SYNPR: variants seen among roughly 807,000 people sequenced by gnomAD.
SYNPR encodes synaptoporin.
SYNPR carries 23 observed loss-of-function variants against 32.9 expected under a neutral mutation model. The observed-to-expected ratio is 0.70, with a 90% CI of 0.50 to 0.99. The LOEUF (loss-of-function observed/expected upper bound fraction) is 0.99. Ranked by LOEUF, SYNPR falls within the 50% of genes least tolerant of loss-of-function variation. SYNPR has a pLI of 0.00. For missense variants in SYNPR, 318 were observed against 349.3 expected, an observed-to-expected ratio of 0.91 and a Z score of 0.71; for synonymous variants, 146 against 135.9, an observed-to-expected ratio of 1.07 and a Z score of -0.52.
rs570384448 is a variant in SYNPR, at chr3:63,616,076, C to T, written c.*595C>T. ...GTTTATGAAAATTTTCTGGTTTGCACCATGAATTTGTCAAATGGATATTTA... is the reference window on the plus strand; with the variant it reads ...GTTTATGAAAATTTTCTGGTTTGCATCATGAATTTGTCAAATGGATATTTA... On this transcript the variant is annotated 3_prime_UTR_variant, in exon 6 of 6. Transcript: ENST00000478300. 6.6e-6 allele frequency: 1 copy of T among 152,250 alleles called. No individual in the cohort carries two copies. The highest frequency in any genetic ancestry group is 1.9e-4 in the East Asian group (1 of 5,188). 9.4% of individuals were successfully genotyped at this position (152,250 alleles called of 1,614,324 possible).
intron 2 of SYNPR, among the ~76,000 whole-genome samples, chr3:63,326,705 G>A (rs1280547245): frequency 6.6e-6 from 1 of 152,052 alleles, no homozygotes; most frequent in Non-Finnish European, 1.5e-5. Context: ...TTATTTATCA[G>A]TTTCTCTCTC....
chr3:63,408,220 GGAAGGAAGGAAA>G (rs1364285509), intron 2 of SYNPR, among the ~76,000 whole-genome samples: 3 of 68,682 alleles, frequency 4.4e-5, no homozygotes, highest in African/African-American at 2.1e-4. Context: ...AAGGAAGGAA[GGAAGGAAGGAAA>G]GAAAGAAAGA....
At chr3:63,554,607 T>C (rs1702562980) in intron 3 of SYNPR, among the ~76,000 whole-genome samples, 1 of 152,214 alleles carries the variant, frequency 6.6e-6, no homozygotes, top group Non-Finnish European at 1.5e-5. Context: ...TTTTGGTTGC[T>C]CTAGCCTTGT....
chr3:63,328,505 C>G lies in SYNPR; in HGVS notation c.84+49763C>G, dbSNP rs935249537. Among the ~76,000 whole-genome samples the G allele has an allele frequency of 2.0e-5, 3 of 152,188 alleles. No individual in the cohort carries two copies. The East Asian group carries it at 5.8e-4, about 29-fold the overall frequency. Reference sequence around the variant, plus strand: ...CCCAGTTCCCCTAACATGCCTGTCTCCCTGGCTTTGACTCACAATCATGTG... The same window carrying G: ...CCCAGTTCCCCTAACATGCCTGTCTGCCTGGCTTTGACTCACAATCATGTG... On this transcript the variant is annotated intron_variant, in intron 2 of 5. Transcript: ENST00000478300.
At chr3:63,255,539 G>C (rs1208359837) in intron 2 of SYNPR, among the ~76,000 whole-genome samples, 1 of 152,196 alleles carries the variant, frequency 6.6e-6, no homozygotes, top group East Asian at 1.9e-4. Context: ...AAAATGTGAA[G>C]TAACTTAGTT....
chr3:63,310,104 C>G (rs2086948280), intron 2 of SYNPR, among the ~76,000 whole-genome samples: 2 of 151,928 alleles, frequency 1.3e-5, no homozygotes, highest in African/African-American at 4.8e-5. Context: ...AGCTTCCTGC[C>G]TCCAACTCCC....
At chr3:63,443,343 G>A (rs2107163082) in intron 2 of SYNPR, 2 of 1,530,356 alleles carry the variant, frequency 1.3e-6, no homozygotes, top group East Asian at 4.9e-5. Context: ...ATAAAAAGAG[G>A]GACAAGTGGC....
chr3:63,543,721 A>G (rs1702347625), intron 3 of SYNPR, among the ~76,000 whole-genome samples: 1 of 152,032 alleles, frequency 6.6e-6, no homozygotes, highest in African/African-American at 2.4e-5. Flanking sequence ...AATTGGGGTA[A>G]TTTATCTGGA....
At chr3:63,260,753 G>A (rs2086430753) in intron 2 of SYNPR, among the ~76,000 whole-genome samples, 1 of 151,752 alleles carries the variant, frequency 6.6e-6, no homozygotes, top group Admixed American at 6.6e-5. Context: ...CTTCTGCACA[G>A]CAAAAGAAAC....
chr3:63,327,013 A>T (rs74805640), intron 2 of SYNPR, among the ~76,000 whole-genome samples: 1 of 152,138 alleles, frequency 6.6e-6, no homozygotes, highest in African/African-American at 2.4e-5. Context: ...AAAAAAAAAA[A>T]TGAACCACTG....
At chr3:63,256,258 G>A (rs1325351919) in intron 2 of SYNPR, among the ~76,000 whole-genome samples, 9 of 152,218 alleles carry the variant, frequency 5.9e-5, no homozygotes, top group African/African-American at 2.2e-4. Context: ...TATCAGAACG[G>A]ACAGACTGCC....
At chr3:63,331,882 G>C (rs2087234727) in intron 2 of SYNPR, among the ~76,000 whole-genome samples, 1 of 152,166 alleles carries the variant, frequency 6.6e-6, no homozygotes, top group African/African-American at 2.4e-5. Flanking sequence ...CAGGAGCTGA[G>C]GTTTGGAAGA....
chr3:63,537,163 G>C (rs1348845145), intron 3 of SYNPR, among the ~76,000 whole-genome samples: 1 of 151,730 alleles, frequency 6.6e-6, no homozygotes, highest in African/African-American at 2.4e-5. Flanking sequence ...AAAAAATTAG[G>C]GTCAGTCGTC....
intron 2 of SYNPR, among the ~76,000 whole-genome samples, chr3:63,264,762 C>G (rs1003320285): frequency 6.6e-6 from 1 of 152,142 alleles, no homozygotes; most frequent in Non-Finnish European, 1.5e-5. Flanking sequence ...AGGAAACTTA[C>G]AATCGTAGCG....
intron 2 of SYNPR, among the ~76,000 whole-genome samples, chr3:63,260,026 C>T (rs2086422918): frequency 6.6e-6 from 1 of 152,056 alleles, no homozygotes; most frequent in Non-Finnish European, 1.5e-5. Context: ...ACGCGAAGGA[C>T]CTCTTCAAGG....
rs187555658 is a variant in SYNPR, at chr3:63,594,251, T to C, written c.409-14874T>C. ...CAGACTTTGGAGCTTAGCAAACCTA[T>C]GTTGCAACCAAAGTTTAGCAGCTTA... is the stretch of plus-strand genomic sequence containing the variant. On this transcript the variant is annotated intron_variant, in intron 4 of 5. Coordinates refer to ENST00000478300, the MANE Select transcript of SYNPR (RefSeq NM_001130003.2). 2.4e-4 allele frequency among the ~76,000 whole-genome samples: 37 copies of C among 152,264 alleles called. 1 individual carries two copies. The highest frequency in any genetic ancestry group is 2.4e-3 in the Admixed American group (37 of 15,282).
intron 2 of SYNPR, among the ~76,000 whole-genome samples, chr3:63,451,121 A>G (rs1700373736): frequency 6.6e-6 from 1 of 152,220 alleles, no homozygotes. Context: ...ATTATGAGTA[A>G]TAATGAGTAA....
chr3:63,613,610 C>CAAAAAAAAAAAAAAAAAAAAAAAAAAAA (rs10566584), intron 5 of SYNPR, among the ~76,000 whole-genome samples: 1 of 46,028 alleles, frequency 2.2e-5, no homozygotes, highest in Non-Finnish European at 3.7e-5. Context: ...TATGCTGCAG[C>CAAAAAAAAAAAAAAAAAAAAAAAAAAAA]AAAAAAAAAA....
In SYNPR at chr3:63,526,688, G is replaced by A. The variant is rs535277791; in HGVS notation, c.210-29855G>A. ...ATACTAAGTAAATAGAAGCCTAAGG[G>A]GTGCATAGATGTGACATCACTCATG... On this transcript the variant is annotated intron_variant, in intron 3 of 5. Transcript: ENST00000478300. Among the ~76,000 whole-genome samples, 23 of 152,260 alleles carry A rather than the reference G, an allele frequency of 1.5e-4. No homozygotes were observed. In the South Asian group the frequency reaches 4.4e-3, roughly 29 times the overall value.
Sources: gnomAD v4.1 joint callset for allele counts (sites outside exome capture counted in the v4.1 genomes callset) on GRCh38, gnomAD v4.1.1 for gene constraint, MANE v1.5 for transcripts, NCBI Gene and HGNC (gene_info 2026-07-23, HGNC 2026-07-21) for gene names.